Variants in PRR14L observed in about 807,000 individuals in gnomAD.
PRR14L encodes proline rich 14 like, also known as protein PRR14L.
Under a neutral mutation model 155.0 loss-of-function variants are expected in PRR14L, and 80 were observed. That is an observed-to-expected ratio of 0.52 (90% CI 0.43 to 0.62). The LOEUF is 0.62. Among genes scored for constraint, PRR14L ranks in the 20% least tolerant of loss-of-function variants. PRR14L has a pLI of 0.00. For synonymous variants in PRR14L, 883 were observed against 916.0 expected (o/e 0.96, Z 0.65); for missense variants, 2,469 against 2,548.0 (o/e 0.97, Z 0.67).
intron 2 of PRR14L, among the ~76,000 whole-genome samples, chr22:31,726,560 C>A (rs1360777815): frequency 6.6e-6 from 1 of 152,154 alleles, no homozygotes; most frequent in Non-Finnish European, 1.5e-5. Context: ...AGACACCGCG[C>A]CTGGCCAAGA....
At chr22:31,709,559 T>TTTTTG (rs1491378806) in intron 4 of PRR14L, among the ~76,000 whole-genome samples, 1 of 121,606 alleles carries the variant, frequency 8.2e-6, no homozygotes. Flanking sequence ...TTTTTTTTTT[T>TTTTTG]GAGACGGAGT....
chr22:31,685,847 T>C (rs1479547167), intron 8 of PRR14L, 44 bp from the exon 9 acceptor site: 3 of 1,525,062 alleles, frequency 2.0e-6, no homozygotes, highest in Non-Finnish European at 2.7e-6. Context: ...CTGACTCACA[T>C]GGCCCATCCT....
chr22:31,739,046 TC>T, intron 1 of PRR14L, 135 bp from the exon 2 acceptor site: 1 of 530,560 alleles, frequency 1.9e-6, no homozygotes, highest in East Asian at 2.9e-5. Flanking sequence ...ACCAAAAATT[TC>T]TCCTTAATGA....
rs575880371 is a variant in PRR14L, at chr22:31,715,454, T to C, written c.2385A>G (p.Val795=). ...ISSCHRVRKN[V]SQENMCSASA... ...AAGCAGAACACATGTTTTCCTGGGA[T>C]ACATTTTTTCTTACACGATGACAGC... Residue 795 remains valine (V), a synonymous_variant, in exon 4 of 9, where the codon GTA becomes GTG. Coordinates refer to ENST00000327423, the MANE Select transcript of PRR14L (RefSeq NM_173566.3). 14 of 1,552,388 alleles carry C rather than the reference T, an allele frequency of 9.0e-6. No homozygotes were observed. The highest frequency in any genetic ancestry group is 7.8e-5 in the Admixed American group (4 of 51,012).
intron 3 of PRR14L, among the ~76,000 whole-genome samples, chr22:31,723,456 A>C (rs1222210546): frequency 6.6e-6 from 1 of 152,226 alleles, no homozygotes; most frequent in Non-Finnish European, 1.5e-5. Flanking sequence ...TGGTTAAATG[A>C]AAGTGTAGTT....
At chr22:31,696,956 A>G (rs941419488) in intron 7 of PRR14L, among the ~76,000 whole-genome samples, 1 of 152,132 alleles carries the variant, frequency 6.6e-6, no homozygotes, top group Non-Finnish European at 1.5e-5. Flanking sequence ...CTCTACTAAA[A>G]ATACAAAAAT....
chr22:31,735,509 T>C (rs190085895), intron 2 of PRR14L, among the ~76,000 whole-genome samples: 10 of 151,976 alleles, frequency 6.6e-5, no homozygotes, highest in Non-Finnish European at 1.5e-4. Context: ...AGCATGTGTA[T>C]GTATATGTAT....
chr22:31,692,517 T>C (rs1479960549), intron 7 of PRR14L, among the ~76,000 whole-genome samples: 1 of 152,232 alleles, frequency 6.6e-6, no homozygotes, highest in Non-Finnish European at 1.5e-5. Flanking sequence ...AAATATGGGT[T>C]ATTGTCTTTT....
chr22:31,740,943 A>G (rs1285521398), intron 1 of PRR14L, among the ~76,000 whole-genome samples: 1 of 151,158 alleles, frequency 6.6e-6, no homozygotes, highest in African/African-American at 2.4e-5. Context: ...GGAGTTCGAG[A>G]ACAGCCTAGT....
chr22:31,739,047 C>T (rs2074798370), intron 1 of PRR14L, 136 bp from the exon 2 acceptor site: 1 of 532,564 alleles, frequency 1.9e-6, no homozygotes, highest in Admixed American at 3.3e-5. Context: ...CCAAAAATTT[C>T]TCCTTAATGA....
chr22:31,746,866 G>A (rs1601521586), intron 1 of PRR14L, among the ~76,000 whole-genome samples: 2 of 146,118 alleles, frequency 1.4e-5, no homozygotes, highest in Admixed American at 7.1e-5. Context: ...GCGCGATCTT[G>A]GCTCACTGCA....
At chr22:31,690,980 T>C (rs187914026) in intron 7 of PRR14L, among the ~76,000 whole-genome samples, 1 of 149,806 alleles carries the variant, frequency 6.7e-6, no homozygotes, top group East Asian at 2.0e-4. Flanking sequence ...TTTTTTTTTT[T>C]TGAGACCAAG....
chr22:31,689,945 T>C (rs936108459), intron 7 of PRR14L, among the ~76,000 whole-genome samples: 4 of 150,134 alleles, frequency 2.7e-5, no homozygotes, highest in Non-Finnish European at 5.9e-5. Flanking sequence ...TGAGATGGAG[T>C]CTTGCTCTGT....
chr22:31,712,431 T>C lies in PRR14L; in HGVS notation c.5408A>G (p.Tyr1803Cys), dbSNP rs779662346. 2.0e-5 allele frequency: 31 copies of C among 1,566,072 alleles called. No individual in the cohort carries two copies. The highest frequency in any genetic ancestry group is 1.4e-4 in the African/African-American group (10 of 73,530). The stretch of plus-strand genomic sequence containing the variant: ...GGTCTGGACTATGGCAGTGCCTCCA[T>C]AGTCTTGGAGAGGAGCTGGAGGCTG... ...PPQPPAPLQD[Y>C]GGTAIVQTRA... The change falls in exon 4 of 9, where the codon TAT (tyrosine) becomes TGT (cysteine). Residue 1803 changes from tyrosine (Y) to cysteine (C), a missense_variant. By Grantham distance (194) the Tyr-to-Cys change is radical. Transcript: ENST00000327423.
intron 2 of PRR14L, among the ~76,000 whole-genome samples, chr22:31,730,135 G>C (rs1340712264): frequency 7.4e-6 from 1 of 134,738 alleles, no homozygotes; most frequent in Non-Finnish European, 1.6e-5. Context: ...ATGAGACTCA[G>C]TCTAAAAAAA....
intron 2 of PRR14L, among the ~76,000 whole-genome samples, chr22:31,727,001 T>C (rs1030499521): frequency 2.0e-5 from 3 of 152,180 alleles, no homozygotes; most frequent in Non-Finnish European, 4.4e-5. Context: ...TATTGGAGCC[T>C]CTGTAAAGTG....
chr22:31,748,000 A>G (rs1427564701), intron 1 of PRR14L, among the ~76,000 whole-genome samples: 1 of 151,788 alleles, frequency 6.6e-6, no homozygotes, highest in Non-Finnish European at 1.5e-5. Flanking sequence ...AAAAAAAAAC[A>G]GAACATAAAA....
chr22:31,686,151 T>G (rs954952111), intron 8 of PRR14L, among the ~76,000 whole-genome samples: 1 of 151,206 alleles, frequency 6.6e-6, no homozygotes, highest in Non-Finnish European at 1.5e-5. Flanking sequence ...CAGGCTGGAG[T>G]GCAGTGGTGT....
In PRR14L at chr22:31,716,971, A is replaced by C; in HGVS notation, c.868T>G (p.Ser290Ala). The C allele has an allele frequency of 1.3e-6, 2 of 1,551,922 alleles. No individual in the cohort carries two copies. Among genetic ancestry groups the C allele is most frequent in the Non-Finnish European group, 1.7e-6 (2 of 1,147,004 alleles). The change falls in exon 4 of 9, where the codon TCT becomes GCT. Residue 290 changes from serine (S) to alanine (A), a missense_variant. Physicochemically the swap from Ser to Ala is moderately conservative, Grantham distance 99 (BLOSUM62 1). Coordinates refer to ENST00000327423, the MANE Select transcript of PRR14L (RefSeq NM_173566.3). Reference protein sequence around the residue: ...WLSLPGNSAISNVDNGKEELC... With the variant: ...WLSLPGNSAIANVDNGKEELC... ...TCTTCCTTCCCATTGTCCACATTAG[A>C]AATGGCACTGTTTCCTGGTAATGAC...
Sources: gnomAD v4.1 joint callset for allele counts (sites outside exome capture counted in the v4.1 genomes callset) on GRCh38, gnomAD v4.1.1 for gene constraint, MANE v1.5 for transcripts, NCBI Gene and HGNC (gene_info 2026-07-23, HGNC 2026-07-21) for gene names.